The following TAF3 variants were observed in gnomAD, a reference collection of about 807,000 sequenced individuals.
The protein encoded by TAF3 is TATA-box binding protein associated factor 3, also known as transcription initiation factor TFIID subunit 3.
TAF3 carries 7 observed loss-of-function variants against 80.6 expected under a neutral mutation model. The ratio of observed to expected loss-of-function variants is 0.09; its 90% CI spans 0.05 to 0.16. The LOEUF (loss-of-function observed/expected upper bound fraction) is 0.16. TAF3 is among the 10% of genes least tolerant of loss of function. The pLI, the probability that TAF3 is intolerant of heterozygous loss-of-function variation, is 1.00. For synonymous variants in TAF3, 444 were observed against 446.1 expected (o/e 1.00, Z 0.06); for missense variants, 921 against 1,140.2 (o/e 0.81, Z 2.77).
intron 3 of TAF3, 104 bp downstream of exon 3, chr10:7,965,846 A>T: frequency 2.2e-6 from 3 of 1,377,576 alleles, no homozygotes; most frequent in Non-Finnish European, 2.8e-6. Context: ...TAAATCACCC[A>T]TCACTTAAGT....
intron 2 of TAF3, among the ~76,000 whole-genome samples, chr10:7,861,633 A>G (rs1694644709): frequency 6.6e-6 from 1 of 152,082 alleles, no homozygotes; most frequent in Admixed American, 6.6e-5. Flanking sequence ...CCACCATCTC[A>G]TAACCTCCAT....
At position 7,839,475 on chromosome 10, in the gene TAF3, G is replaced by C. The variant is rs1836888598; in HGVS notation, c.409+14915G>C. ...TTAGGGAAAGTTTTTCAGAATAATGGAGGAGCAGTCGCAAAAATTAGCTTG... is the reference window on the plus strand; with the variant it reads ...TTAGGGAAAGTTTTTCAGAATAATGCAGGAGCAGTCGCAAAAATTAGCTTG... On this transcript the variant is annotated intron_variant, in intron 2 of 6. Transcript: ENST00000344293. Among the ~76,000 whole-genome samples, 5 of 152,144 alleles carry C rather than the reference G, an allele frequency of 3.3e-5. No individual in the cohort carries two copies. In the South Asian group the frequency reaches 1.0e-3, roughly 32 times the overall value.
At chr10:7,983,002 C>T (rs1295034058) in intron 4 of TAF3, among the ~76,000 whole-genome samples, 1 of 151,688 alleles carries the variant, frequency 6.6e-6, no homozygotes, top group Non-Finnish European at 1.5e-5. Context: ...TAACAGAAAT[C>T]CAAATCAAAC....
intron 3 of TAF3, among the ~76,000 whole-genome samples, chr10:7,973,440 T>C (rs1305434049): frequency 6.6e-6 from 1 of 152,188 alleles, no homozygotes; most frequent in Non-Finnish European, 1.5e-5. Flanking sequence ...AGTTGAAGAA[T>C]ATAAGAACTT....
chr10:8,010,962 G>GTTTTTTACTAA (rs1377262238), intron 5 of TAF3, among the ~76,000 whole-genome samples: 1 of 152,118 alleles, frequency 6.6e-6, no homozygotes, highest in Non-Finnish European at 1.5e-5. Context: ...ACATTGTTCT[G>GTTTTTTACTAA]GGACTGTTTT....
In TAF3 at chr10:7,913,651, A is replaced by G. The variant is rs77100562; in HGVS notation, c.410-50269A>G. Among the ~76,000 whole-genome samples, 710 of 152,244 alleles carry G rather than the reference A, an allele frequency of 4.7e-3. 18 individuals are homozygous for G. In the East Asian group the frequency reaches 0.074, roughly 16 times the overall value. ...CAGTAGTCCTTGTCTAAGTCATGCA[A>G]TGTGGTCGCTGTGCCAGGGACACTC... On this transcript the variant is annotated intron_variant, in intron 2 of 6. Coordinates refer to ENST00000344293, the MANE Select transcript of TAF3 (RefSeq NM_031923.4).
At chr10:8,001,296 T>G (rs184957849) in intron 4 of TAF3, among the ~76,000 whole-genome samples, 217 of 152,350 alleles carry the variant, frequency 1.4e-3, no homozygotes, top group African/African-American at 4.7e-3. Context: ...GTGTTGTCAA[T>G]CTTTTTCATC....
chr10:7,907,946 G>A (rs992534310), intron 2 of TAF3, among the ~76,000 whole-genome samples: 2 of 152,172 alleles, frequency 1.3e-5, no homozygotes, highest in Non-Finnish European at 2.9e-5. Flanking sequence ...ATCTGGAGCG[G>A]CAGCAGCAGG....
rs772156893 is a variant in TAF3 at position 8,009,027 on chromosome 10, GTTCGATGATGATCCTGTT to G, written c.2316-48_2316-31del. On this transcript the variant is annotated intron_variant, in intron 4 of 6. Coordinates refer to ENST00000344293, the MANE Select transcript of TAF3 (RefSeq NM_031923.4). The surrounding 1 kb of genome is among the most constrained non-coding windows in gnomAD (Gnocchi z 4.1). ...GATCATGTTTTTAAGCACGGGTTTG[GTTCGATGATGATCCTGTT>G]TTGACTTTTACCTTCTCTTCTTTTG... is the stretch of plus-strand genomic sequence containing the variant. 6.4e-7 allele frequency: 1 copy of G among 1,561,834 alleles called. No individual in the cohort carries two copies. Among genetic ancestry groups the G allele is most frequent in the East Asian group, 2.4e-5 (1 of 41,844 alleles).
At chr10:7,913,604 C>T (rs531591427) in intron 2 of TAF3, among the ~76,000 whole-genome samples, 9 of 152,318 alleles carry the variant, frequency 5.9e-5, no homozygotes, top group African/African-American at 2.2e-4. Context: ...TGTTCTCCAG[C>T]TTGTTGGCAT....
At chr10:7,957,794 G>GCTCTCTCT (rs376837630) in intron 2 of TAF3, among the ~76,000 whole-genome samples, 3,372 of 130,510 alleles carry the variant, frequency 0.026, 55 homozygotes, top group South Asian at 0.037. Flanking sequence ...TCTCTAGCGC[G>GCTCTCTCT]CTCTCTCTCT....
At chr10:7,866,768 T>C (rs1460464405) in intron 2 of TAF3, among the ~76,000 whole-genome samples, 1 of 151,996 alleles carries the variant, frequency 6.6e-6, no homozygotes, top group Non-Finnish European at 1.5e-5. Context: ...TAGAGGCGAG[T>C]GTTAGGAAAA....
intron 4 of TAF3, among the ~76,000 whole-genome samples, chr10:7,982,093 T>C (rs1269318794): frequency 6.6e-6 from 1 of 152,182 alleles, no homozygotes; most frequent in African/African-American, 2.4e-5. Context: ...AGAGTGAAGC[T>C]TGCAGTGGTA....
intron 2 of TAF3, among the ~76,000 whole-genome samples, chr10:7,830,849 T>C (rs1836792697): frequency 6.6e-6 from 1 of 152,190 alleles, no homozygotes; most frequent in Non-Finnish European, 1.5e-5. Flanking sequence ...GTTTATTTGT[T>C]AGAAATCTGG....
chr10:7,944,128 T>C (rs1376028626), intron 2 of TAF3, among the ~76,000 whole-genome samples: 2 of 151,248 alleles, frequency 1.3e-5, no homozygotes, highest in Non-Finnish European at 2.9e-5. Context: ...TGTGTGTGTG[T>C]GTGTGTGTTG....
intron 2 of TAF3, among the ~76,000 whole-genome samples, chr10:7,890,206 C>T (rs1466997710): frequency 6.6e-6 from 1 of 152,204 alleles, no homozygotes; most frequent in Non-Finnish European, 1.5e-5. Context: ...GCCTGCCTTT[C>T]TTTTCTGTGC....
At chr10:7,881,790 A>G (rs998526370) in intron 2 of TAF3, among the ~76,000 whole-genome samples, 59 of 152,150 alleles carry the variant, frequency 3.9e-4, no homozygotes, top group Non-Finnish European at 7.5e-4. Context: ...CCAACTTTCA[A>G]TTTCCTTTAC....
chr10:7,912,296 C>T (rs74848266), intron 2 of TAF3, among the ~76,000 whole-genome samples: 1 of 152,074 alleles, frequency 6.6e-6, no homozygotes, highest in Admixed American at 6.5e-5. Context: ...GACAGGGTCC[C>T]ACGATGTTGC....
In TAF3 at chr10:7,964,350, A is replaced by G; in HGVS notation, c.840A>G (p.Gly280=). 1 of 1,614,178 alleles carries G rather than the reference A, an allele frequency of 6.2e-7. No homozygotes were observed. Among genetic ancestry groups the G allele is most frequent in the Non-Finnish European group, 8.5e-7 (1 of 1,180,028 alleles). ...CAAAGACTAAAACTAGCTCTCCAGG[A>G]CAGAAGACTAAATCACCTAAAACCG... is the stretch of plus-strand genomic sequence containing the variant. ...PKTKTKTSSP[G]QKTKSPKTAQ... The change falls in exon 3 of 7, where the codon GGA becomes GGG. Residue 280 remains glycine, a synonymous_variant. Coordinates refer to ENST00000344293, the MANE Select transcript of TAF3 (RefSeq NM_031923.4). The surrounding 1 kb of genome is among the most constrained non-coding windows in gnomAD (Gnocchi z 4.1).
Sources: gnomAD v4.1 joint callset for allele counts (sites outside exome capture counted in the v4.1 genomes callset) on GRCh38, gnomAD v4.1.1 for gene constraint, Gnocchi (gnomAD v3.1) non-coding constraint, MANE v1.5 for transcripts, NCBI Gene and HGNC (gene_info 2026-07-23, HGNC 2026-07-21) for gene names.